PPP4R3B: variants seen among roughly 807,000 people sequenced by gnomAD.
PPP4R3B encodes serine/threonine-protein phosphatase 4 regulatory subunit 3B.
PPP4R3B carries 52 observed loss-of-function variants against 95.4 expected under a neutral mutation model. The observed-to-expected ratio is 0.54, with a 90% CI of 0.44 to 0.69. The LOEUF is 0.69. Among genes scored for constraint, PPP4R3B ranks in the 30% least tolerant of loss-of-function variants. PPP4R3B has a pLI of 0.00. For missense variants in PPP4R3B, 1,003 were observed against 1,005.9 expected (o/e 1.00, Z 0.04); for synonymous variants, 407 against 343.9 (o/e 1.18, Z -2.03).
At chr2:55,584,772 T>C (rs1295031484) in intron 7 of PPP4R3B, among the ~76,000 whole-genome samples, 2 of 152,092 alleles carry the variant, frequency 1.3e-5, no homozygotes, top group African/African-American at 4.8e-5. Context: ...GAAATTACAT[T>C]TCATTAACAC....
rs1693036429 is a variant in PPP4R3B at position 55,603,984 on chromosome 2, A to G, written c.291T>C (p.Ile97=). The part of the protein sequence containing the change: ...KAGCDEIWEK[I]CQVQGKDPSV... ...ATTATAAAAAGAAACTTACCTGACA[A>G]ATTTTTTCCCAGATCTCATCACAGC... The change falls in exon 3 of 17, where the codon ATT becomes ATC. Residue 97 remains isoleucine, a synonymous_variant. Coordinates refer to ENST00000616407, the MANE Select transcript of PPP4R3B (RefSeq NM_001122964.3). 6.3e-7 allele frequency: 1 copy of G among 1,596,732 alleles called. No individual in the cohort carries two copies. Among genetic ancestry groups the G allele is most frequent in the Admixed American group, 1.8e-5 (1 of 56,128 alleles).
At chr2:55,616,939 G>C (rs1310628797) in intron 1 of PPP4R3B, among the ~76,000 whole-genome samples, 2 of 152,124 alleles carry the variant, frequency 1.3e-5, no homozygotes, top group East Asian at 1.9e-4. Context: ...CCTTAAGAGA[G>C]ATGGGAGAAG....
intron 5 of PPP4R3B, among the ~76,000 whole-genome samples, chr2:55,588,305 G>C (rs1473138199): frequency 6.6e-6 from 1 of 152,048 alleles, no homozygotes; most frequent in African/African-American, 2.4e-5. Flanking sequence ...CCTCAGGTTG[G>C]GAGTTCGAGA....
chr2:55,571,232 A>C (rs7574398), intron 12 of PPP4R3B, among the ~76,000 whole-genome samples: 121,340 of 151,810 alleles, frequency 0.8, 49,854 homozygotes, highest in Non-Finnish European at 0.89. Flanking sequence ...ATCACTTGAA[A>C]CCGGGAAGCA....
chr2:55,610,413 G>C (rs1694004334), intron 2 of PPP4R3B, among the ~76,000 whole-genome samples: 1 of 151,920 alleles, frequency 6.6e-6, no homozygotes, highest in African/African-American at 2.4e-5. Flanking sequence ...ATTTGGGATT[G>C]GTGGTAGGAG....
chr2:55,588,914 C>T lies in PPP4R3B; in HGVS notation c.964G>A (p.Asp322Asn). The change falls in exon 5 of 17, where the codon GAT becomes AAT. Residue 322 changes from aspartate (D) to asparagine (N), a missense_variant. Around this residue, in one of 3 missense-constraint regions of PPP4R3B, gnomAD observed 695 missense variants for 686.2 expected, o/e 1.01. Coordinates refer to ENST00000616407, the MANE Select transcript of PPP4R3B (RefSeq NM_001122964.3). ...CGTTTATCATCATCTGTAGCCTCATCTGTTAATTGTGCAAAAACTTCAGAC... is the reference window on the plus strand; with the variant it reads ...CGTTTATCATCATCTGTAGCCTCATTTGTTAATTGTGCAAAAACTTCAGAC... ...FLSEVFAQLT[D>N]EATDDDKRRE... 6.2e-7 allele frequency: 1 copy of T among 1,610,886 alleles called. No homozygotes were observed. Among genetic ancestry groups the T allele is most frequent in the African/African-American group, 1.3e-5 (1 of 75,018 alleles).
At chr2:55,605,124 A>G (rs1693205961) in intron 2 of PPP4R3B, among the ~76,000 whole-genome samples, 2 of 152,062 alleles carry the variant, frequency 1.3e-5, no homozygotes, top group South Asian at 4.2e-4. Flanking sequence ...GGTGTGAGCC[A>G]CTGCACCCAG....
chr2:55,586,675 A>T lies in PPP4R3B; in HGVS notation c.1059T>A (p.Asp353Glu). The change falls in exon 6 of 17, where the codon GAT becomes GAA. Residue 353 changes from aspartate to glutamate, a missense_variant. Around this residue, in one of 3 missense-constraint regions of PPP4R3B, gnomAD observed 695 missense variants for 686.2 expected, o/e 1.01. Coordinates refer to ENST00000616407, the MANE Select transcript of PPP4R3B (RefSeq NM_001122964.3). ...FSQTLQPQNR[D>E]AFFKTLAKLG... ...ATTTTGCCAATGTTTTGAAAAATGC[A>T]TCCCTGTTTTGAGGTTGTAATGTCT... 2 of 1,611,254 alleles carry T rather than the reference A, an allele frequency of 1.2e-6. No individual in the cohort carries two copies. Among genetic ancestry groups the T allele is most frequent in the Non-Finnish European group, 1.7e-6 (2 of 1,178,766 alleles).
chr2:55,576,046 A>C (rs892548814), intron 11 of PPP4R3B, among the ~76,000 whole-genome samples: 1 of 152,110 alleles, frequency 6.6e-6, no homozygotes, highest in African/African-American at 2.4e-5. Context: ...CTAGTCCCTC[A>C]TCATTAAAAC....
At chr2:55,569,049 T>C (rs1392892132) in intron 12 of PPP4R3B, among the ~76,000 whole-genome samples, 1 of 152,156 alleles carries the variant, frequency 6.6e-6, no homozygotes, top group South Asian at 2.1e-4. Context: ...CATTAATCAT[T>C]AGTTTGCAGT....
intron 16 of PPP4R3B, among the ~76,000 whole-genome samples, chr2:55,556,080 G>T (rs1485711091): frequency 1.3e-5 from 2 of 152,194 alleles, no homozygotes; most frequent in African/African-American, 4.8e-5. Flanking sequence ...AGTGAAACTG[G>T]CTAAACCAAA....
chr2:55,605,222 G>A (rs1267737951), intron 2 of PPP4R3B, among the ~76,000 whole-genome samples: 2 of 152,104 alleles, frequency 1.3e-5, no homozygotes, highest in Admixed American at 6.6e-5. Flanking sequence ...AAAGTTTAAC[G>A]TGGCTAAAAC....
intron 7 of PPP4R3B, among the ~76,000 whole-genome samples, 168 bp from the exon 8 acceptor site, chr2:55,581,866 A>C (rs867955610): frequency 6.6e-6 from 1 of 152,100 alleles, no homozygotes; most frequent in South Asian, 2.1e-4. Context: ...GTTCTATAAA[A>C]TACTACACAC....
At chr2:55,578,908 C>T (rs1689058742) in intron 9 of PPP4R3B, among the ~76,000 whole-genome samples, 1 of 151,998 alleles carries the variant, frequency 6.6e-6, no homozygotes, top group African/African-American at 2.4e-5. Context: ...AAGTCCTTTG[C>T]TTATGTTAGT....
At chr2:55,565,312 A>T (rs892995543) in intron 13 of PPP4R3B, among the ~76,000 whole-genome samples, 2 of 87,948 alleles carry the variant, frequency 2.3e-5, no homozygotes, top group African/African-American at 1.3e-4. Flanking sequence ...TATTTTTTGT[A>T]TATATATATA....
At chr2:55,552,999 T>C (rs188171659) in intron 16 of PPP4R3B, among the ~76,000 whole-genome samples, 29 of 152,266 alleles carry the variant, frequency 1.9e-4, no homozygotes, top group Non-Finnish European at 2.9e-5. Context: ...TTAATTATAG[T>C]AAAACAGACA....
intron 4 of PPP4R3B, among the ~76,000 whole-genome samples, chr2:55,592,541 T>G (rs1328343737): frequency 6.6e-6 from 1 of 152,188 alleles, no homozygotes; most frequent in Non-Finnish European, 1.5e-5. Flanking sequence ...AAAGAGTATC[T>G]GAAGATTTTA....
chr2:55,568,389 A>G (rs762177704), intron 12 of PPP4R3B, 26 bp from the exon 13 acceptor site: 1 of 1,558,172 alleles, frequency 6.4e-7, no homozygotes, highest in Non-Finnish European at 8.7e-7. Context: ...ATAGGGAATA[A>G]GTTAATGATC....
chr2:55,592,836 C>A (rs2104388874), intron 4 of PPP4R3B, among the ~76,000 whole-genome samples: 1 of 152,240 alleles, frequency 6.6e-6, no homozygotes, highest in African/African-American at 2.4e-5. Context: ...ACTGTTTGTG[C>A]AGAAATAATC....
Sources: gnomAD v4.1 joint callset for allele counts (sites outside exome capture counted in the v4.1 genomes callset) on GRCh38, gnomAD v4.1.1 for gene constraint, gnomAD v4.1.1 regional missense constraint, MANE v1.5 for transcripts, NCBI Gene and HGNC (gene_info 2026-07-23, HGNC 2026-07-21) for gene names.